ZNF12: variants seen among roughly 807,000 people sequenced by gnomAD.
ZNF12 encodes gonadotropin inducible transcription repressor 3.
A neutral mutation model predicts 66.6 loss-of-function variants in ZNF12; 34 were observed. The ratio of observed to expected loss-of-function variants is 0.51; its 90% confidence interval spans 0.39 to 0.68. ZNF12 has a LOEUF of 0.68. Among genes scored for constraint, ZNF12 ranks in the 30% least tolerant of loss-of-function variants. ZNF12 has a pLI of 0.00. For synonymous variants in ZNF12, 320 were observed against 278.9 expected, an observed-to-expected ratio of 1.15 and a Z score of -1.47; for missense variants, 697 against 826.9, an observed-to-expected ratio of 0.84 and a Z score of 1.93.
chr7:6,705,121 T>C lies in ZNF12; in HGVS notation c.15+38A>G. 1 of 1,609,916 alleles carries C rather than the reference T, an allele frequency of 6.2e-7. No individual in the cohort carries two copies. The highest frequency in any genetic ancestry group is 1.1e-5 in the South Asian group (1 of 90,568). On this transcript the variant is annotated intron_variant, in intron 2 of 4. Transcript: ENST00000405858. The surrounding 1 kb of genome is among the most constrained non-coding windows in gnomAD (Gnocchi z 4.0). ...ATCTCCTCCTAAGGTGTATTGTAAA[T>C]CAGAGTAGAGAATAAATACATGAAC...
Position 6,690,964 on chromosome 7 carries a change from G to A in ZNF12, c.1978C>T (p.Pro660Ser). 1 of 1,614,098 alleles carries A rather than the reference G, an allele frequency of 6.2e-7. No individual in the cohort carries two copies. Among genetic ancestry groups the A allele is most frequent in the Admixed American group, 1.7e-5 (1 of 60,022 alleles). ...VHYRTHSGEK[P>S]YECTECGKKF... is the part of the protein sequence containing the mutation. ...TTTCCACATTCAGTACACTCATAGGGTTTCTCTCCTGAATGAGTTCTATAA... is the reference window on the plus strand; with the variant it reads ...TTTCCACATTCAGTACACTCATAGGATTTCTCTCCTGAATGAGTTCTATAA... The change falls in exon 5 of 5, where the codon CCC becomes TCC. Residue 660 changes from proline (P) to serine (S), a missense_variant. Pro to Ser is a moderately conservative substitution (Grantham distance 74). This residue lies in a region of ZNF12 where 401 missense variants were observed against 519.0 expected (regional missense o/e 0.77). Coordinates refer to ENST00000405858, the MANE Select transcript of ZNF12 (RefSeq NM_016265.4).
chr7:6,699,539 G>C (rs1025324546), intron 2 of ZNF12, among the ~76,000 whole-genome samples: 1 of 152,196 alleles, frequency 6.6e-6, no homozygotes, highest in Non-Finnish European at 1.5e-5. Flanking sequence ...GAACTTCCTG[G>C]GGAGCAATAG....
At chr7:6,701,041 A>G (rs1054924693) in intron 2 of ZNF12, 4 of 152,234 alleles carry the variant, frequency 2.6e-5, no homozygotes, top group Non-Finnish European at 5.9e-5. Context: ...GCAGTGGTGC[A>G]ATCATAGCTC....
intron 2 of ZNF12, among the ~76,000 whole-genome samples, chr7:6,703,886 G>C (rs1780300100): frequency 6.6e-6 from 1 of 152,258 alleles, no homozygotes; most frequent in African/African-American, 2.4e-5. Context: ...AAGAGCATGT[G>C]CTGGATTATT....
chr7:6,697,804 A>G lies in ZNF12; in HGVS notation c.23T>C (p.Val8Ala), dbSNP rs759955272. 1.2e-5 allele frequency: 20 copies of G among 1,614,018 alleles called. No individual in the cohort carries two copies. In the Admixed American group the frequency reaches 3.0e-4, roughly 24 times the overall value. Residue 8 changes from valine (V) to alanine (A), a missense_variant, in exon 3 of 5, where the codon GTG (valine) becomes GCG (alanine). Physicochemically the swap from Val to Ala is moderately conservative, Grantham distance 64 (BLOSUM62 0). This residue lies in a region of ZNF12 where 55 missense variants were observed against 83.9 expected (regional missense o/e 0.66). Coordinates refer to ENST00000405858, the MANE Select transcript of ZNF12 (RefSeq NM_016265.4). This position sits in a 1 kb window ranked among gnomAD's most constrained non-coding sequence, Gnocchi z 6.1. MNKSLGP[V>A]SFKDVAVDFT... Reference sequence around the variant, plus strand: ...GTCCACAGCCACGTCCTTGAATGACACTGGCCCCTGAAATGGCACCGTGAT... The same window carrying G: ...GTCCACAGCCACGTCCTTGAATGACGCTGGCCCCTGAAATGGCACCGTGAT...
chr7:6,692,637 T>G lies in ZNF12; in HGVS notation c.305A>C (p.Gln102Pro). The G allele has an allele frequency of 6.2e-7, 1 of 1,612,340 alleles. No homozygotes were observed. The highest frequency in any genetic ancestry group is 8.5e-7 in the Non-Finnish European group (1 of 1,179,458). ...AATCAGGGTCTCAATGAACACAGTT[T>G]GCCTTGAAGGTTTATTTTCCTCTTC... Reference protein sequence around the residue: ...IQEEENKPSRQTVFIETLIEE... With the variant: ...IQEEENKPSRPTVFIETLIEE... The change falls in exon 5 of 5, where the codon CAA (glutamine) becomes CCA (proline). Residue 102 changes from glutamine to proline, a missense_variant. Coordinates refer to ENST00000405858, the MANE Select transcript of ZNF12 (RefSeq NM_016265.4). The surrounding 1 kb of genome is among the most constrained non-coding windows in gnomAD (Gnocchi z 5.1).
Position 6,706,921 on chromosome 7 carries a change from T to C in ZNF12, c.-540A>G, listed in dbSNP as rs1374047818. ...CTGGGAACTAGGGCGAGCGGTGACC[T>C]GGGGACGCACAGGAAGCGAGGGCAC... is the stretch of plus-strand genomic sequence containing the variant. On this transcript the variant is annotated 5_prime_UTR_variant, in exon 1 of 5. Coordinates refer to ENST00000405858, the MANE Select transcript of ZNF12 (RefSeq NM_016265.4). 7.3e-6 allele frequency: 3 copies of C among 412,774 alleles called. No individual in the cohort carries two copies. Among genetic ancestry groups the C allele is most frequent in the African/African-American group, 4.4e-5 (2 of 45,706 alleles). 25.6% of individuals were successfully genotyped at this position (412,774 alleles called of 1,614,324 possible).
intron 4 of ZNF12, among the ~76,000 whole-genome samples, chr7:6,693,647 T>C (rs898293811): frequency 3.3e-5 from 5 of 152,242 alleles, no homozygotes; most frequent in African/African-American, 1.2e-4. Flanking sequence ...ATGGAGATAA[T>C]GGCACCTACC....
chr7:6,692,477 A>G lies in ZNF12; in HGVS notation c.465T>C (p.Ser155=). The G allele has an allele frequency of 6.2e-7, 1 of 1,613,276 alleles. No homozygotes were observed. Among genetic ancestry groups the G allele is most frequent in the Non-Finnish European group, 8.5e-7 (1 of 1,179,648 alleles). The change falls in exon 5 of 5, where the codon AGT becomes AGC. Residue 155 remains serine, a synonymous_variant. Coordinates refer to ENST00000405858, the MANE Select transcript of ZNF12 (RefSeq NM_016265.4). This position sits in a 1 kb window ranked among gnomAD's most constrained non-coding sequence, Gnocchi z 5.1. ...TCATTCTTGCATAGCTTCCATCACTACTAATATATTCTGAAACAGACGTTA... is the reference window on the plus strand; with the variant it reads ...TCATTCTTGCATAGCTTCCATCACTGCTAATATATTCTGAAACAGACGTTA... ...KCLTSVSEYI[S]SDGSYARMKA... is the part of the protein sequence containing the mutation.
At position 6,688,786 on chromosome 7, in the gene ZNF12, T is replaced by C. The variant is rs182676257; in HGVS notation, c.*2062A>G. On this transcript the variant is annotated 3_prime_UTR_variant, in exon 5 of 5. Coordinates refer to ENST00000405858, the MANE Select transcript of ZNF12 (RefSeq NM_016265.4). The surrounding 1 kb of genome is among the most constrained non-coding windows in gnomAD (Gnocchi z 4.3). ...AGAATTAGATCCTTACCTCATACTA[T>C]ATGTTGTCAGCTAACACTGTAGCAG... 197 of 152,578 alleles carry C rather than the reference T, an allele frequency of 1.3e-3. 1 individual carries two copies. The highest frequency in any genetic ancestry group is 2.0e-3 in the Non-Finnish European group (136 of 68,032). The allele number at this position is 152,578 out of a possible 1,614,324, so 9.5% of individuals were successfully genotyped here.
chr7:6,700,020 T>A (rs373673607), intron 2 of ZNF12, among the ~76,000 whole-genome samples: 1 of 150,716 alleles, frequency 6.6e-6, no homozygotes, highest in Non-Finnish European at 1.5e-5. Context: ...GCGTGGTGGC[T>A]CACACCTGTA....
chr7:6,694,354 C>T (rs562129887), intron 4 of ZNF12, among the ~76,000 whole-genome samples: 2 of 152,054 alleles, frequency 1.3e-5, no homozygotes, highest in Admixed American at 6.5e-5. Flanking sequence ...TTCCCTGAAC[C>T]CACTGCCAAA....
chr7:6,701,499 A>G (rs1196133719), intron 2 of ZNF12, among the ~76,000 whole-genome samples: 1 of 152,144 alleles, frequency 6.6e-6, no homozygotes, highest in East Asian at 1.9e-4. Flanking sequence ...ATCATGACAC[A>G]AGCTCCCAAA....
chr7:6,697,587 G>T lies in ZNF12; in HGVS notation c.142+98C>A. On this transcript the variant is annotated intron_variant, in intron 3 of 4. Transcript: ENST00000405858. The surrounding 1 kb of genome is among the most constrained non-coding windows in gnomAD (Gnocchi z 6.1). ...ATGCCCTGCCTGGTGCCCAAAAACA[G>T]ATTACTCACATTCGTCCCATCAAAT... is the stretch of plus-strand genomic sequence containing the variant. 5 of 1,570,850 alleles carry T rather than the reference G, an allele frequency of 3.2e-6. No individual in the cohort carries two copies. In the South Asian group the frequency reaches 5.9e-5, roughly 18 times the overall value.
In ZNF12 at chr7:6,688,785, A is replaced by T. The variant is rs1018818190; in HGVS notation, c.*2063T>A. On this transcript the variant is annotated 3_prime_UTR_variant, in exon 5 of 5. Transcript: ENST00000405858. The surrounding 1 kb of genome is among the most constrained non-coding windows in gnomAD (Gnocchi z 4.3). ...CAGAATTAGATCCTTACCTCATACT[A>T]TATGTTGTCAGCTAACACTGTAGCA... 2 of 152,450 alleles carry T rather than the reference A, an allele frequency of 1.3e-5. No homozygotes were observed. The highest frequency in any genetic ancestry group is 4.8e-5 in the African/African-American group (2 of 41,456). The allele number at this position is 152,450 out of a possible 1,614,324, so 9.4% of individuals were successfully genotyped here.
rs1780032333 is a variant in ZNF12, at chr7:6,689,358, T to C, written c.*1490A>G. On this transcript the variant is annotated 3_prime_UTR_variant, in exon 5 of 5. Transcript: ENST00000405858. ...GTACTGTTCACCACAAGATTCCACT[T>C]CCCTTTGCTTGAATCCTTGGGCCTT... 6.6e-6 allele frequency: 1 copy of C among 152,220 alleles called. No homozygotes were observed. The allele number at this position is 152,220 out of a possible 1,614,324, so 9.4% of individuals were successfully genotyped here.
At position 6,706,912 on chromosome 7, in the gene ZNF12, G is replaced by A; in HGVS notation, c.-531C>T. 1 of 414,326 alleles carries A rather than the reference G, an allele frequency of 2.4e-6. No individual in the cohort carries two copies. Among genetic ancestry groups the A allele is most frequent in the South Asian group, 1.6e-5 (1 of 61,740 alleles). The allele number at this position is 414,326 out of a possible 1,614,324, so 25.7% of individuals were successfully genotyped here. On this transcript the variant is annotated 5_prime_UTR_variant, in exon 1 of 5. Transcript: ENST00000405858. ...GGCCAAAGCCTGGGAACTAGGGCGA[G>A]CGGTGACCTGGGGACGCACAGGAAG...
intron 2 of ZNF12, among the ~76,000 whole-genome samples, chr7:6,704,627 C>A (rs1583469416): frequency 7.0e-6 from 1 of 142,038 alleles, no homozygotes; most frequent in African/African-American, 2.6e-5. Context: ...GTAATCCCAG[C>A]TACTCCAGAG....
In ZNF12 at chr7:6,692,940, C is replaced by T. The variant is rs535106206; in HGVS notation, c.239-237G>A. 4.6e-5 allele frequency among the ~76,000 whole-genome samples: 7 copies of T among 152,196 alleles called. No homozygotes were observed. The highest frequency in any genetic ancestry group is 8.8e-5 in the Non-Finnish European group (6 of 68,016). On this transcript the variant is annotated intron_variant, in intron 4 of 4. Transcript: ENST00000405858. This position sits in a 1 kb window ranked among gnomAD's most constrained non-coding sequence, Gnocchi z 5.1. ...AGGAATGGAGAAAGGGGGAAGTAAA[C>T]TGACAAAAACACATGCACTTTTGAT...
Sources: allele counts gnomAD v4.1 joint callset (sites outside exome capture counted in the v4.1 genomes callset), GRCh38; gene constraint gnomAD v4.1.1; regional missense constraint gnomAD v4.1.1; non-coding constraint Gnocchi (gnomAD v3.1); transcripts MANE v1.5; gene names NCBI Gene and HGNC (gene_info 2026-07-23, HGNC 2026-07-21).